The following CDH19 variants were observed in gnomAD, a reference collection of about 807,000 sequenced individuals.
CDH19 encodes cadherin 19.
CDH19 carries 67 observed loss-of-function variants against 64.2 expected under a neutral mutation model. The observed-to-expected ratio is 1.04, with a 90% CI of 0.86 to 1.28. The LOEUF (loss-of-function observed/expected upper bound fraction) is 1.28, where lower values mean the gene tolerates loss of function less well. CDH19 is among the 50% of genes most tolerant of loss of function. CDH19 has a pLI of 0.00. For missense variants in CDH19, 1,030 were observed against 929.0 expected, an observed-to-expected ratio of 1.11 and a Z score of -1.41; for synonymous variants, 346 against 319.3, an observed-to-expected ratio of 1.08 and a Z score of -0.89.
rs982856633 is a variant in CDH19 at position 66,503,805 on chromosome 18, A to G, written c.*1007T>C. 1.9e-4 allele frequency: 29 copies of G among 152,088 alleles called. No homozygotes were observed. Among genetic ancestry groups the G allele is most frequent in the African/African-American group, 7.0e-4 (29 of 41,568 alleles). The allele number at this position is 152,088 out of a possible 1,614,324, so 9.4% of individuals were successfully genotyped here. Reference sequence around the variant, plus strand: ...TCTGTTCAAATTTGAAATCAGTTTTAAAGAGTGCTCTTGGCAAAGTTTTAA... The same window carrying G: ...TCTGTTCAAATTTGAAATCAGTTTTGAAGAGTGCTCTTGGCAAAGTTTTAA... On this transcript the variant is annotated 3_prime_UTR_variant, in exon 12 of 12. Transcript: ENST00000262150.
chr18:66,543,897 T>A, intron 7 of CDH19, 74 bp downstream of exon 7: 1 of 1,118,726 alleles, frequency 8.9e-7, no homozygotes, highest in Non-Finnish European at 1.3e-6. Context: ...AAAAAAAAGA[T>A]TGCATGCAAT....
rs377468945 is a variant in CDH19, at chr18:66,551,274, A to T, written c.611-16T>A. Reference sequence around the variant, plus strand: ...CTTATGACTCCTTTAAAAATATAATAAAATTCCAATTATTTCATTATTAAT... The same window carrying T: ...CTTATGACTCCTTTAAAAATATAATTAAATTCCAATTATTTCATTATTAAT... On this transcript the variant is annotated splice_polypyrimidine_tract_variant and intron_variant, in intron 4 of 11. Coordinates refer to ENST00000262150, the MANE Select transcript of CDH19 (RefSeq NM_021153.4). The T allele has an allele frequency of 8.3e-7, 1 of 1,209,436 alleles. No homozygotes were observed. The highest frequency in any genetic ancestry group is 2.3e-5 in the East Asian group (1 of 42,704). 74.9% of individuals were successfully genotyped at this position (1,209,436 alleles called of 1,614,324 possible).
intron 7 of CDH19, among the ~76,000 whole-genome samples, chr18:66,541,059 G>A (rs1049174464): frequency 6.6e-6 from 1 of 152,006 alleles, no homozygotes; most frequent in African/African-American, 2.4e-5. Context: ...AAATTGACAT[G>A]TAGTTTGTTA....
chr18:66,559,704 A>G (rs1987649901), intron 3 of CDH19, among the ~76,000 whole-genome samples: 1 of 150,858 alleles, frequency 6.6e-6, no homozygotes, highest in Non-Finnish European at 1.5e-5. Flanking sequence ...ACTCTGGCAT[A>G]TATATATTCA....
At chr18:66,589,085 A>G (rs1988666569) in intron 1 of CDH19, among the ~76,000 whole-genome samples, 2 of 151,864 alleles carry the variant, frequency 1.3e-5, no homozygotes, top group South Asian at 2.1e-4. Flanking sequence ...ACCACCAATT[A>G]CCATACATGT....
intron 9 of CDH19, among the ~76,000 whole-genome samples, chr18:66,516,440 G>A (rs532189967): frequency 2.0e-5 from 3 of 152,106 alleles, no homozygotes; most frequent in African/African-American, 7.2e-5. Flanking sequence ...AGAAATTACT[G>A]AGCAGTGTTC....
Position 66,504,814 on chromosome 18 carries a change from A to G in CDH19, c.2317T>C (p.Ter773GlnextTer19). The change falls in exon 12 of 12, where the codon TAG becomes CAG. Residue 773 changes from the stop codon to glutamine, a stop_lost. Transcript: ENST00000262150. Reference sequence around the variant, plus strand: ...AAAAATTTTGATGGTAAAAAGCCCTAATTATTTGACTGCACTGCAGAACCA... The same window carrying G: ...AAAAATTTTGATGGTAAAAAGCCCTGATTATTTGACTGCACTGCAGAACCA... ...MFGSAVQSNN* is the reference protein window; with the variant it reads ...MFGSAVQSNNQ 3 of 1,590,562 alleles carry G rather than the reference A, an allele frequency of 1.9e-6. No homozygotes were observed. The highest frequency in any genetic ancestry group is 2.6e-6 in the Non-Finnish European group (3 of 1,164,064).
At chr18:66,555,503 AT>A (rs1361789584) in intron 3 of CDH19, among the ~76,000 whole-genome samples, 1 of 151,722 alleles carries the variant, frequency 6.6e-6, no homozygotes, top group African/African-American at 2.4e-5. Flanking sequence ...TTGTCTTAAT[AT>A]TTTTATAATG....
intron 9 of CDH19, among the ~76,000 whole-genome samples, chr18:66,527,871 A>G (rs1470161451): frequency 6.6e-6 from 1 of 151,966 alleles, no homozygotes; most frequent in Admixed American, 6.6e-5. Flanking sequence ...TAGGCTTAAA[A>G]CAGGCTAATA....
At chr18:66,548,895 A>G (rs954891381) in intron 5 of CDH19, among the ~76,000 whole-genome samples, 1 of 152,184 alleles carries the variant, frequency 6.6e-6, no homozygotes, top group Non-Finnish European at 1.5e-5. Flanking sequence ...AATAATAAAC[A>G]TGTTTCGATG....
intron 5 of CDH19, among the ~76,000 whole-genome samples, chr18:66,545,714 G>C (rs891607887): frequency 6.6e-5 from 10 of 152,090 alleles, no homozygotes; most frequent in African/African-American, 2.4e-4. Context: ...ATAAAGGTGG[G>C]AGAGTCTGCA....
At chr18:66,572,837 T>C (rs1988148322) in intron 1 of CDH19, among the ~76,000 whole-genome samples, 1 of 151,754 alleles carries the variant, frequency 6.6e-6, no homozygotes, top group African/African-American at 2.4e-5. Flanking sequence ...AATAATCAGT[T>C]ACACTGATAC....
At chr18:66,586,063 T>C in intron 1 of CDH19, among the ~76,000 whole-genome samples, 1 of 152,134 alleles carries the variant, frequency 6.6e-6, no homozygotes, top group East Asian at 1.9e-4. Flanking sequence ...TAAAGCTAAT[T>C]ATTCCATCTG....
intron 10 of CDH19, among the ~76,000 whole-genome samples, chr18:66,510,961 A>G (rs557062426): frequency 7.4e-4 from 113 of 151,820 alleles, no homozygotes; most frequent in African/African-American, 2.6e-3. Flanking sequence ...GACAAAAAGT[A>G]TCTCTTACTG....
intron 1 of CDH19, among the ~76,000 whole-genome samples, chr18:66,582,639 C>CAAAAAAAAAAA (rs11410904): frequency 1.4e-5 from 1 of 72,884 alleles, no homozygotes; most frequent in Non-Finnish European, 2.5e-5. Context: ...TTACTGTCAC[C>CAAAAAAAAAAA]AAAAAAAAAA....
At chr18:66,578,981 G>T (rs915605413) in intron 1 of CDH19, among the ~76,000 whole-genome samples, 1 of 151,930 alleles carries the variant, frequency 6.6e-6, no homozygotes, top group African/African-American at 2.4e-5. Context: ...GAAAATGGGG[G>T]TGGGAGGAAG....
Position 66,572,110 on chromosome 18 carries a change from T to C in CDH19, c.95A>G (p.Lys32Arg), listed in dbSNP as rs776530686. 4.3e-6 allele frequency: 7 copies of C among 1,611,666 alleles called. No individual in the cohort carries two copies. The highest frequency in any genetic ancestry group is 5.9e-6 in the Non-Finnish European group (7 of 1,178,472). ...TCTCAAATGAGATCGCACTGGCTGCTTGACTTTCTTTGTTTGAGAGTTTTC... is the reference window on the plus strand; with the variant it reads ...TCTCAAATGAGATCGCACTGGCTGCCTGACTTTCTTTGTTTGAGAGTTTTC... ...ATENSQTKKV[K>R]QPVRSHLRVK... The change falls in exon 2 of 12, where the codon AAG becomes AGG. Residue 32 changes from lysine (K) to arginine (R), a missense_variant. By Grantham distance (26) the Lys-to-Arg change is conservative. Coordinates refer to ENST00000262150, the MANE Select transcript of CDH19 (RefSeq NM_021153.4).
chr18:66,596,078 A>T (rs561222885), intron 1 of CDH19: 1 of 152,308 alleles, frequency 6.6e-6, no homozygotes, highest in Non-Finnish European at 1.5e-5. Flanking sequence ...GATCATGTCC[A>T]TACACACAGA....
At position 66,534,978 on chromosome 18, in the gene CDH19, G is replaced by C. The variant is rs1312916261; in HGVS notation, c.1336+8C>G. 6.2e-6 allele frequency: 9 copies of C among 1,443,310 alleles called. No homozygotes were observed. The highest frequency in any genetic ancestry group is 7.4e-6 in the Non-Finnish European group (8 of 1,077,898). 89.4% of individuals were successfully genotyped at this position (1,443,310 alleles called of 1,614,324 possible). A position where few individuals can be genotyped will look rare whatever the true frequency, so the allele number is the denominator to read the frequency against. ...AACAACTGTATTGGATTTCAAATGA[G>C]TACTTACATTTTTCTGTGGCTGTAA... On this transcript the variant is annotated splice_region_variant and intron_variant, in intron 8 of 11. Coordinates refer to ENST00000262150, the MANE Select transcript of CDH19 (RefSeq NM_021153.4).
Sources: gnomAD v4.1 joint callset for allele counts (sites outside exome capture counted in the v4.1 genomes callset) on GRCh38, gnomAD v4.1.1 for gene constraint, MANE v1.5 for transcripts, NCBI Gene and HGNC (gene_info 2026-07-23, HGNC 2026-07-21) for gene names.